The following VPS13A variants were observed in gnomAD, a reference collection of about 807,000 sequenced individuals.
VPS13A encodes intermembrane lipid transfer protein VPS13A.
Under a neutral mutation model 390.9 loss-of-function variants are expected in VPS13A, and 264 were observed. The observed-to-expected ratio is 0.68, with a 90% confidence interval of 0.61 to 0.75. The LOEUF (loss-of-function observed/expected upper bound fraction) is 0.75. Among genes scored for constraint, VPS13A ranks in the 30% least tolerant of loss-of-function variants. The probability of loss-of-function intolerance (pLI) is 0.00; values close to 1 mark genes in which losing one functional copy is unlikely to be tolerated. For synonymous variants in VPS13A, 1,231 were observed against 1,227.1 expected (o/e 1.00, Z -0.07); for missense variants, 3,409 against 3,733.9 (o/e 0.91, Z 2.27).
At chr9:77,279,877 T>C (rs190019014) in intron 26 of VPS13A, 26 of 227,014 alleles carry the variant, frequency 1.1e-4, no homozygotes, top group Non-Finnish European at 1.8e-4. Flanking sequence ...AGTTTCTCTT[T>C]AGTTGATTCC....
chr9:77,238,016 T>C lies in VPS13A; in HGVS notation c.1610T>C (p.Ile537Thr). The change falls in exon 18 of 72, where the codon ATA (isoleucine) becomes ACA (threonine). Residue 537 changes from isoleucine (I) to threonine (T), a missense_variant. Around this residue, in one of 5 missense-constraint regions of VPS13A, gnomAD observed 2,717 missense variants for 2,917.4 expected, o/e 0.93. Coordinates refer to ENST00000360280, the MANE Select transcript of VPS13A (RefSeq NM_033305.3). Reference protein sequence around the residue: ...GAQAIKFETKIDSFHITGLPD... With the variant: ...GAQAIKFETKTDSFHITGLPD... ...TTTTAATGCAGATTTGAAACTAAAA[T>C]AGATTCATTTCATATTACTGGCTTA... 1 of 1,609,610 alleles carries C rather than the reference T, an allele frequency of 6.2e-7. No individual in the cohort carries two copies. Among genetic ancestry groups the C allele is most frequent in the East Asian group, 2.2e-5 (1 of 44,770 alleles).
chr9:77,238,817 T>C (rs72744204), intron 19 of VPS13A, among the ~76,000 whole-genome samples: 8,310 of 152,304 alleles, frequency 0.055, 333 homozygotes, highest in South Asian at 0.12. Context: ...TAAAACCACT[T>C]GGTTTTGGAG....
chr9:77,314,707 G>T (rs761031197), intron 37 of VPS13A, 43 bp downstream of exon 37: 14 of 1,579,698 alleles, frequency 8.9e-6, no homozygotes, highest in Non-Finnish European at 1.2e-5. Flanking sequence ...TTGAGAAATC[G>T]TTGATATATT....
chr9:77,407,205 A>G (rs781322533), intron 70 of VPS13A, among the ~76,000 whole-genome samples: 6 of 152,186 alleles, frequency 3.9e-5, no homozygotes, highest in Admixed American at 1.3e-4. Flanking sequence ...TGTGTAAGAA[A>G]TTATTTGGAG....
intron 31 of VPS13A, among the ~76,000 whole-genome samples, chr9:77,292,652 C>CT (rs371781049): frequency 3.0e-4 from 44 of 146,002 alleles, no homozygotes; most frequent in African/African-American, 1.0e-3. Context: ...GTTGATGGCT[C>CT]TTCAGCTCCC....
chr9:77,385,105 T>C (rs1284094242), intron 68 of VPS13A: 1 of 983,904 alleles, frequency 1.0e-6, no homozygotes, highest in Non-Finnish European at 1.2e-6. Context: ...AAGAAAATAG[T>C]AATAGCCATT....
intron 51 of VPS13A, among the ~76,000 whole-genome samples, chr9:77,344,634 C>G (rs905354998): frequency 6.6e-6 from 1 of 152,000 alleles, no homozygotes; most frequent in Non-Finnish European, 1.5e-5. Context: ...TGGCGGGTGC[C>G]TGTAGTCCCA....
rs73449955 is a variant in VPS13A at position 77,356,690 on chromosome 9, A to G, written c.7653-24A>G. On this transcript the variant is annotated intron_variant, in intron 54 of 71. Transcript: ENST00000360280. The stretch of plus-strand genomic sequence containing the variant: ...TGTTAATAACTTAGTATTAAATACT[A>G]TGATTTTTGCTTTCTTAAATAAGTT... 2,356 of 1,583,752 alleles carry G rather than the reference A, an allele frequency of 1.5e-3. 29 individuals carry two copies. The African/African-American group carries it at 0.027, about 18-fold the overall frequency.
intron 45 of VPS13A, among the ~76,000 whole-genome samples, chr9:77,328,877 G>A (rs889401732): frequency 6.6e-6 from 1 of 152,182 alleles, no homozygotes; most frequent in Non-Finnish European, 1.5e-5. Flanking sequence ...AAGGAAAGAG[G>A]TTTAATTAAC....
chr9:77,407,509 T>C (rs1457818006), intron 70 of VPS13A, 24 bp from the exon 71 acceptor site: 1 of 1,587,624 alleles, frequency 6.3e-7, no homozygotes, highest in East Asian at 2.2e-5. Flanking sequence ...ATCTTTTTAA[T>C]GAATTTACAT....
chr9:77,357,950 G>GT, intron 56 of VPS13A, 112 bp downstream of exon 56: 1 of 633,750 alleles, frequency 1.6e-6, no homozygotes. Flanking sequence ...TGTTGTGCTA[G>GT]CCTTTTTTTT....
At chr9:77,242,345 T>A (rs1381298344) in intron 19 of VPS13A, among the ~76,000 whole-genome samples, 1 of 152,164 alleles carries the variant, frequency 6.6e-6, no homozygotes, top group Non-Finnish European at 1.5e-5. Flanking sequence ...TGTCTTTTGT[T>A]AGGCAATATT....
intron 68 of VPS13A, among the ~76,000 whole-genome samples, chr9:77,394,150 G>A (rs749313921): frequency 5.3e-5 from 8 of 151,640 alleles, no homozygotes; most frequent in Non-Finnish European, 1.0e-4. Flanking sequence ...TTGCAGCCTC[G>A]AACTCCCAGG....
At chr9:77,232,061 A>T (rs148790622) in intron 17 of VPS13A, among the ~76,000 whole-genome samples, 1,814 of 152,224 alleles carry the variant, frequency 0.012, 47 homozygotes, top group African/African-American at 0.041. Context: ...TTAGCCATAG[A>T]TGTATGTATG....
intron 41 of VPS13A, among the ~76,000 whole-genome samples, chr9:77,318,929 C>T (rs1564724930): frequency 6.6e-6 from 1 of 151,920 alleles, no homozygotes; most frequent in Non-Finnish European, 1.5e-5. Flanking sequence ...CCCAGTGGCT[C>T]ACCTGTAATC....
At position 77,416,145 on chromosome 9, in the gene VPS13A, AAAAAAC is replaced by A. The variant is rs1211723177; in HGVS notation, c.*151_*156del. On this transcript the variant is annotated 3_prime_UTR_variant, in exon 72 of 72. Coordinates refer to ENST00000360280, the MANE Select transcript of VPS13A (RefSeq NM_033305.3). ...GGATGCTAAAAAACAAAAACAAACA[AAAAAAC>A]AAAAACAAAAAAACAAAACCAGAAT... 6 of 1,050,102 alleles carry A rather than the reference AAAAAAC, an allele frequency of 5.7e-6. No individual in the cohort carries two copies. In the East Asian group the frequency reaches 7.4e-5, roughly 13 times the overall value. 65.0% of individuals were successfully genotyped at this position (1,050,102 alleles called of 1,614,324 possible).
chr9:77,374,362 C>T (rs892684982), intron 67 of VPS13A, among the ~76,000 whole-genome samples: 1 of 152,040 alleles, frequency 6.6e-6, no homozygotes, highest in African/African-American at 2.4e-5. Flanking sequence ...GTAAAATAAA[C>T]GTTACTTGAA....
At chr9:77,412,628 C>G (rs1024951488) in intron 71 of VPS13A, among the ~76,000 whole-genome samples, 1 of 151,982 alleles carries the variant, frequency 6.6e-6, no homozygotes, top group African/African-American at 2.4e-5. Context: ...TATGACAAAC[C>G]CACAGCCAAT....
chr9:77,407,021 T>C (rs1284183938), intron 70 of VPS13A, among the ~76,000 whole-genome samples: 1 of 152,210 alleles, frequency 6.6e-6, no homozygotes, highest in Non-Finnish European at 1.5e-5. Context: ...CTGATCTCTC[T>C]TTGATTCTAA....
Sources: allele counts gnomAD v4.1 joint callset (sites outside exome capture counted in the v4.1 genomes callset), GRCh38; gene constraint gnomAD v4.1.1; regional missense constraint gnomAD v4.1.1; transcripts MANE v1.5; gene names NCBI Gene and HGNC (gene_info 2026-07-23, HGNC 2026-07-21).